RNASEH1: variants seen among roughly 807,000 people sequenced by gnomAD.
The protein encoded by RNASEH1 is ribonuclease H type II.
In RNASEH1, 27 loss-of-function variants were observed where a neutral mutation model predicts 34.6. The ratio of observed to expected loss-of-function variants is 0.78; its 90% CI spans 0.58 to 1.08. The LOEUF is 1.08. RNASEH1 is among the 50% of genes least tolerant of loss of function. The pLI is 0.00. For missense variants in RNASEH1, 349 were observed against 373.6 expected, an observed-to-expected ratio of 0.93 and a Z score of 0.54; for synonymous variants, 162 against 138.4, an observed-to-expected ratio of 1.17 and a Z score of -1.20.
intron 4 of RNASEH1, among the ~76,000 whole-genome samples, chr2:3,549,948 GA>G (rs369750124): frequency 0.1 from 12,488 of 124,496 alleles, 636 homozygotes; most frequent in Middle Eastern, 0.18. Flanking sequence ...TCCGTCTCAG[GA>G]AAAAAAAAAA....
At position 3,558,296 on chromosome 2, in the gene RNASEH1, C is replaced by A. The variant is rs761158420; in HGVS notation, c.-36G>T. The A allele has an allele frequency of 4.6e-6, 7 of 1,505,830 alleles. No individual in the cohort carries two copies. The highest frequency in any genetic ancestry group is 2.6e-5 in the South Asian group (2 of 77,690). The allele number at this position is 1,505,830 out of a possible 1,614,324, so 93.3% of individuals were successfully genotyped here. On this transcript the variant is annotated 5_prime_UTR_variant, in exon 1 of 8. Coordinates refer to ENST00000315212, the MANE Select transcript of RNASEH1 (RefSeq NM_002936.6). ...CGGCACCGGGAAGCATTTCGACTCC[C>A]GGCCCAGCGTGGGCGCGAGCCGCCG...
intron 2 of RNASEH1, among the ~76,000 whole-genome samples, chr2:3,555,181 T>A (rs551285411): frequency 1.3e-5 from 2 of 151,788 alleles, no homozygotes; most frequent in African/African-American, 4.8e-5. Context: ...GGTCTCCTCC[T>A]GATCTCACCT....
At chr2:3,557,065 C>T (rs543655555) in intron 1 of RNASEH1, among the ~76,000 whole-genome samples, 161 bp from the exon 2 acceptor site, 4 of 152,332 alleles carry the variant, frequency 2.6e-5, no homozygotes, top group African/African-American at 9.6e-5. Context: ...TCAGAGGATG[C>T]TTAAGTCCTT....
rs1162681928 is a variant in RNASEH1 at position 3,542,090 on chromosome 2, C to T, written c.*3695G>A. On this transcript the variant is annotated 3_prime_UTR_variant, in exon 8 of 8. Coordinates refer to ENST00000315212, the MANE Select transcript of RNASEH1 (RefSeq NM_002936.6). The stretch of plus-strand genomic sequence containing the variant: ...AAGAGATTCAAGAGACAGTGGCAAA[C>T]ACTGAGAACAGCCAATTTAGATTTC... Among the ~76,000 whole-genome samples, 1 of 152,144 alleles carries T rather than the reference C, an allele frequency of 6.6e-6. No individual in the cohort carries two copies. Among genetic ancestry groups the T allele is most frequent in the Non-Finnish European group, 1.5e-5 (1 of 68,030 alleles).
intron 2 of RNASEH1, among the ~76,000 whole-genome samples, chr2:3,553,442 G>A (rs1660186295): frequency 6.6e-6 from 1 of 151,378 alleles, no homozygotes; most frequent in Admixed American, 6.6e-5. Context: ...CCAAGCTGGA[G>A]TACAGTGGCG....
At chr2:3,553,189 A>G (rs1267548164) in intron 2 of RNASEH1, among the ~76,000 whole-genome samples, 1 of 151,472 alleles carries the variant, frequency 6.6e-6, no homozygotes, top group African/African-American at 2.4e-5. Context: ...TGGAGCTTAC[A>G]GTGAGCGGAG....
At chr2:3,557,047 T>TA in intron 1 of RNASEH1, 143 bp from the exon 2 acceptor site, 1 of 629,872 alleles carries the variant, frequency 1.6e-6, no homozygotes, top group Non-Finnish European at 2.9e-6. Flanking sequence ...CCATCACAGA[T>TA]ACCAACATCA....
At chr2:3,553,730 G>A (rs1315710291) in intron 2 of RNASEH1, among the ~76,000 whole-genome samples, 1 of 152,062 alleles carries the variant, frequency 6.6e-6, no homozygotes, top group Non-Finnish European at 1.5e-5. Context: ...TATCTGGGAA[G>A]GGCCCATATC....
the RNASEH1 span, chr2:3,533,923 A>T: frequency 1.3e-5 from 2 of 152,296 alleles, no homozygotes; most frequent in African/African-American, 2.4e-5. Context: ...CAAGCCAAAG[A>T]TAGCCTGAAG....
Position 3,556,239 on chromosome 2 carries a change from G to GTA in RNASEH1, c.244+549_244+550insTA, listed in dbSNP as rs1165509580. Among the ~76,000 whole-genome samples the GTA allele has an allele frequency of 2.6e-5, 4 of 151,484 alleles. No individual in the cohort carries two copies. The East Asian group carries it at 7.7e-4, about 29-fold the overall frequency. ...TCAATAAAAAGGCAACACCACAAAG[G>GTA]GGCATGCCATGGAAAGAACCACACT... is the stretch of plus-strand genomic sequence containing the variant. On this transcript the variant is annotated intron_variant, in intron 2 of 7. Transcript: ENST00000315212.
downstream of RNASEH1, among the ~76,000 whole-genome samples, chr2:3,538,684 T>C (rs1307814189): frequency 6.6e-6 from 1 of 152,204 alleles, no homozygotes; most frequent in Non-Finnish European, 1.5e-5. Context: ...AGTTCTCTGA[T>C]ATTAAAAACC....
At chr2:3,556,638 T>G in intron 2 of RNASEH1, 151 bp downstream of exon 2, 1 of 607,836 alleles carries the variant, frequency 1.6e-6, no homozygotes, top group Non-Finnish European at 3.0e-6. Flanking sequence ...TATTTGTAAC[T>G]GCTTTCAGTC....
At chr2:3,553,345 T>C (rs1280879594) in intron 2 of RNASEH1, among the ~76,000 whole-genome samples, 1 of 151,934 alleles carries the variant, frequency 6.6e-6, no homozygotes, top group Non-Finnish European at 1.5e-5. Flanking sequence ...ACAAAGTTTT[T>C]CTTCTGCAAC....
downstream of RNASEH1, among the ~76,000 whole-genome samples, chr2:3,538,114 C>T (rs1239903383): frequency 2.0e-5 from 3 of 151,814 alleles, no homozygotes; most frequent in East Asian, 1.9e-4. Context: ...TTTGGGAGGC[C>T]GAGGCGGGTG....
chr2:3,547,601 C>T (rs2103322417), intron 7 of RNASEH1, among the ~76,000 whole-genome samples: 1 of 152,032 alleles, frequency 6.6e-6, no homozygotes, highest in Middle Eastern at 3.4e-3. Flanking sequence ...GATTCTCCTG[C>T]CTCAGCCTCC....
chr2:3,539,369 C>G (rs541271931), downstream of RNASEH1, among the ~76,000 whole-genome samples: 19 of 152,328 alleles, frequency 1.2e-4, no homozygotes, highest in African/African-American at 4.6e-4. Flanking sequence ...CCACCATATA[C>G]TGGCGGCTTC....
chr2:3,548,889 T>C (rs1214979450), intron 5 of RNASEH1, among the ~76,000 whole-genome samples, 165 bp from the exon 6 acceptor site: 1 of 152,142 alleles, frequency 6.6e-6, no homozygotes, highest in African/African-American at 2.4e-5. Context: ...CTATTTGAAA[T>C]AAGTTTTTAG....
downstream of RNASEH1, among the ~76,000 whole-genome samples, chr2:3,540,322 GC>G (rs1321761006): frequency 6.6e-6 from 1 of 151,502 alleles, no homozygotes; most frequent in Non-Finnish European, 1.5e-5. Flanking sequence ...AAAAAAAATT[GC>G]CCCCTAAAAA....
In RNASEH1 at chr2:3,558,320, C is replaced by G; in HGVS notation, c.-60G>C. 2 of 1,464,626 alleles carry G rather than the reference C, an allele frequency of 1.4e-6. No homozygotes were observed. The highest frequency in any genetic ancestry group is 1.5e-5 in the African/African-American group (1 of 68,156). The allele number at this position is 1,464,626 out of a possible 1,614,324, so 90.7% of individuals were successfully genotyped here. A position where few individuals can be genotyped will look rare whatever the true frequency, so the allele number is the denominator to read the frequency against. On this transcript the variant is annotated 5_prime_UTR_variant, in exon 1 of 8. Transcript: ENST00000315212. ...CCGGCCCAGCGTGGGCGCGAGCCGC[C>G]GGCGCTCAACACCGCACTTCCGTCA...
Sources: gnomAD v4.1 joint callset for allele counts (sites outside exome capture counted in the v4.1 genomes callset) on GRCh38, gnomAD v4.1.1 for gene constraint, MANE v1.5 for transcripts, NCBI Gene and HGNC (gene_info 2026-07-23, HGNC 2026-07-21) for gene names.